Variants in PLA2G4A observed in about 807,000 individuals in gnomAD.
PLA2G4A encodes phospholipase A2 group IVA.
In PLA2G4A, 40 loss-of-function variants were observed where a neutral mutation model predicts 81.9. The observed-to-expected ratio is 0.49, with a 90% CI of 0.38 to 0.64. The LOEUF (loss-of-function observed/expected upper bound fraction) is 0.64, where lower values mean the gene tolerates loss of function less well. Ranked by LOEUF, PLA2G4A falls within the 30% of genes least tolerant of loss-of-function variation. The pLI, the probability that PLA2G4A is intolerant of heterozygous loss-of-function variation, is 0.00. For missense variants in PLA2G4A, 715 were observed against 905.1 expected, an observed-to-expected ratio of 0.79 and a Z score of 2.69; for synonymous variants, 302 against 296.9, an observed-to-expected ratio of 1.02 and a Z score of -0.18.
chr1:186,850,309 T>C (rs1351241741), intron 1 of PLA2G4A, among the ~76,000 whole-genome samples: 4 of 152,124 alleles, frequency 2.6e-5, no homozygotes, highest in African/African-American at 7.2e-5. Flanking sequence ...TTGTAGACCA[T>C]GTTAAGGATT....
rs1240646710 is a variant in PLA2G4A at position 186,877,708 on chromosome 1, A to C, written c.115+7192A>C. Reference sequence around the variant, plus strand: ...ACTAAGGCCTGAGGCTTACTCACAAAAAAAAAAAAAAAAAAAAAAAAAAAA... The same window carrying C: ...ACTAAGGCCTGAGGCTTACTCACAACAAAAAAAAAAAAAAAAAAAAAAAAA... On this transcript the variant is annotated intron_variant, in intron 3 of 17. Transcript: ENST00000367466. 4.2e-4 allele frequency among the ~76,000 whole-genome samples: 3 copies of C among 7,158 alleles called. No individual in the cohort carries two copies. In the South Asian group the frequency reaches 0.014, roughly 33 times the overall value. The allele number at this position is 7,158 out of a possible 152,430, so 4.7% of individuals were successfully genotyped here.
intron 7 of PLA2G4A, among the ~76,000 whole-genome samples, chr1:186,921,947 C>T (rs904665980): frequency 6.6e-6 from 1 of 152,198 alleles, no homozygotes; most frequent in Non-Finnish European, 1.5e-5. Flanking sequence ...ACCTTTGACA[C>T]AGGGACCTGT....
intron 14 of PLA2G4A, among the ~76,000 whole-genome samples, chr1:186,962,142 C>T (rs939551426): frequency 5.3e-5 from 8 of 151,732 alleles, no homozygotes; most frequent in African/African-American, 1.9e-4. Context: ...TTAATAATGG[C>T]CCCAAAGTGT....
intron 10 of PLA2G4A, among the ~76,000 whole-genome samples, chr1:186,943,925 A>G (rs771819977): frequency 1.3e-5 from 2 of 152,186 alleles, no homozygotes. Flanking sequence ...TGAAAAAGTC[A>G]CTTTGGTGAC....
intron 12 of PLA2G4A, 66 bp from the exon 13 acceptor site, chr1:186,950,591 T>C (rs1043259460): frequency 9.7e-5 from 83 of 858,070 alleles, no homozygotes; most frequent in Non-Finnish European, 1.6e-4. Context: ...ATTACTTTTT[T>C]ATATTAAAAT....
intron 1 of PLA2G4A, among the ~76,000 whole-genome samples, chr1:186,848,344 A>G (rs573430795): frequency 6.6e-6 from 1 of 152,202 alleles, no homozygotes; most frequent in East Asian, 1.9e-4. Context: ...TTTTCCAACT[A>G]TAAGGGTTTA....
Position 186,894,121 on chromosome 1 carries a change from T to C in PLA2G4A, c.288T>C (p.Tyr96=), listed in dbSNP as rs749137727. The C allele has an allele frequency of 3.5e-6, 5 of 1,430,018 alleles. No individual in the cohort carries two copies. Among genetic ancestry groups the C allele is most frequent in the East Asian group, 4.5e-5 (2 of 43,962 alleles). The allele number at this position is 1,430,018 out of a possible 1,614,324, so 88.6% of individuals were successfully genotyped here. The change falls in exon 5 of 18, where the codon TAT becomes TAC. Residue 96 remains tyrosine, a synonymous_variant. Transcript: ENST00000367466. ...VLEITLMDAN[Y]VMDETLGTAT... ...AGATTACGTTAATGGATGCCAATTA[T>C]GTCATGGATGAAACTCTAGGGACAG...
At chr1:186,847,361 TG>T (rs1388525967) in intron 1 of PLA2G4A, among the ~76,000 whole-genome samples, 2,167 of 95,458 alleles carry the variant, frequency 0.023, 63 homozygotes, top group African/African-American at 0.091. Context: ...TTCATACGTG[TG>T]TGTGTGTGTG....
intron 3 of PLA2G4A, among the ~76,000 whole-genome samples, chr1:186,875,013 C>T (rs1407386786): frequency 6.6e-6 from 1 of 152,020 alleles, no homozygotes; most frequent in Non-Finnish European, 1.5e-5. Context: ...ATTATAATGT[C>T]CATATGAGTC....
chr1:186,972,205 TAA>T (rs1159806206), intron 15 of PLA2G4A, among the ~76,000 whole-genome samples: 1 of 152,166 alleles, frequency 6.6e-6, no homozygotes, highest in Admixed American at 6.6e-5. Flanking sequence ...TAGTCCAATA[TAA>T]AGAGTTCATT....
intron 7 of PLA2G4A, among the ~76,000 whole-genome samples, chr1:186,931,512 G>T (rs1207450885): frequency 8.3e-6 from 1 of 120,640 alleles, no homozygotes; most frequent in Non-Finnish European, 1.7e-5. Flanking sequence ...AAGCAAAAAT[G>T]TTTGCTATTA....
At chr1:186,844,609 G>T (rs1652104499) in intron 1 of PLA2G4A, among the ~76,000 whole-genome samples, 1 of 152,034 alleles carries the variant, frequency 6.6e-6, no homozygotes, top group Non-Finnish European at 1.5e-5. Context: ...GGGATGGCTG[G>T]GTCAAATGGT....
intron 14 of PLA2G4A, among the ~76,000 whole-genome samples, chr1:186,957,157 A>T (rs1656782297): frequency 6.6e-6 from 1 of 152,192 alleles, no homozygotes; most frequent in Non-Finnish European, 1.5e-5. Context: ...GTCTCAAAAA[A>T]ATAAAAAATA....
At chr1:186,866,376 G>C (rs930263401) in intron 2 of PLA2G4A, among the ~76,000 whole-genome samples, 1 of 152,132 alleles carries the variant, frequency 6.6e-6, no homozygotes, top group Non-Finnish European at 1.5e-5. Flanking sequence ...GAACAGCAAG[G>C]CTGAATTCTA....
At position 186,965,540 on chromosome 1, in the gene PLA2G4A, A is replaced by T. The variant is rs1165435265; in HGVS notation, c.1711A>T (p.Ile571Leu). Residue 571 changes from isoleucine (I) to leucine (L), a missense_variant, in exon 15 of 18, where the codon ATA becomes TTA. Coordinates refer to ENST00000367466, the MANE Select transcript of PLA2G4A (RefSeq NM_024420.3). ...GAGACCTCAGAGAGGGGTTGATCTC[A>T]TAATCTCCTTTGACTTTTCTGCAAG... ...ILRPQRGVDL[I>L]ISFDFSARPS... The T allele has an allele frequency of 6.2e-7, 1 of 1,613,642 alleles. No individual in the cohort carries two copies.
intron 15 of PLA2G4A, among the ~76,000 whole-genome samples, chr1:186,966,508 A>G (rs571517609): frequency 4.6e-5 from 7 of 152,298 alleles, no homozygotes; most frequent in South Asian, 4.1e-4. Context: ...TCGAAGTTTT[A>G]TAGGAATTAG....
At chr1:186,881,717 A>C (rs1265022455) in intron 3 of PLA2G4A, among the ~76,000 whole-genome samples, 1 of 152,100 alleles carries the variant, frequency 6.6e-6, no homozygotes, top group Non-Finnish European at 1.5e-5. Context: ...GATTTATATT[A>C]CAATCCAAAT....
intron 3 of PLA2G4A, among the ~76,000 whole-genome samples, chr1:186,887,444 C>T (rs1316771537): frequency 6.6e-6 from 1 of 152,082 alleles, no homozygotes; most frequent in Non-Finnish European, 1.5e-5. Flanking sequence ...AGTTTTACCA[C>T]CCTGAAGCTA....
chr1:186,889,243 G>T (rs1654048832), intron 3 of PLA2G4A, among the ~76,000 whole-genome samples: 1 of 152,150 alleles, frequency 6.6e-6, no homozygotes, highest in Non-Finnish European at 1.5e-5. Flanking sequence ...AGAATGACTG[G>T]CTTTCCCCTT....
Sources: allele counts gnomAD v4.1 joint callset (sites outside exome capture counted in the v4.1 genomes callset), GRCh38; gene constraint gnomAD v4.1.1; transcripts MANE v1.5; gene names NCBI Gene and HGNC (gene_info 2026-07-23, HGNC 2026-07-21).